PCDHGB4: variants seen among roughly 807,000 people sequenced by gnomAD.
PCDHGB4 encodes the protein protocadherin gamma subfamily B, 4.
Under a neutral mutation model 60.5 loss-of-function variants are expected in PCDHGB4, and 38 were observed. That is an observed-to-expected ratio of 0.63 (90% CI 0.48 to 0.82). PCDHGB4 has a LOEUF of 0.82. PCDHGB4 is among the 40% of genes least tolerant of loss of function. PCDHGB4 has a pLI of 0.00. For missense variants in PCDHGB4, 1,109 were observed against 1,209.6 expected (o/e 0.92, Z 1.23); for synonymous variants, 456 against 509.7 (o/e 0.89, Z 1.42).
intron 1 of PCDHGB4, among the ~76,000 whole-genome samples, chr5:141,453,288 ATTATTTATTTAT>A (rs577328880): frequency 6.6e-6 from 1 of 151,342 alleles, no homozygotes; most frequent in African/African-American, 2.4e-5. Context: ...TAATTTTTTA[ATTATTTATTTAT>A]TTATTTATTT....
intron 1 of PCDHGB4, among the ~76,000 whole-genome samples, chr5:141,430,213 A>G (rs892801149): frequency 6.6e-6 from 1 of 151,106 alleles, no homozygotes; most frequent in Non-Finnish European, 1.5e-5. Context: ...AAATTATTAT[A>G]TTATATGATT....
chr5:141,474,430 C>T (rs2099349577), intron 1 of PCDHGB4, among the ~76,000 whole-genome samples: 1 of 152,212 alleles, frequency 6.6e-6, no homozygotes, highest in African/African-American at 2.4e-5. Flanking sequence ...TTGGTCCTCA[C>T]ACTTTGAGTA....
chr5:141,478,387 C>T, intron 1 of PCDHGB4: 1 of 1,613,642 alleles, frequency 6.2e-7, no homozygotes, highest in Non-Finnish European at 8.5e-7. Context: ...CGCACCTTTA[C>T]CATCAGGTGT....
chr5:141,509,442 T>C (rs1473514859), intron 3 of PCDHGB4, among the ~76,000 whole-genome samples: 3 of 152,008 alleles, frequency 2.0e-5, no homozygotes, highest in Non-Finnish European at 2.9e-5. Flanking sequence ...TGTTTCCTCC[T>C]CTCCCACCCC....
At chr5:141,392,879 G>A in intron 1 of PCDHGB4, 2 of 1,613,512 alleles carry the variant, frequency 1.2e-6, no homozygotes, top group South Asian at 1.1e-5. Flanking sequence ...TGCTGGGAAC[G>A]CTGTGGGAAA....
chr5:141,438,386 T>C (rs757664430), intron 1 of PCDHGB4, among the ~76,000 whole-genome samples: 1 of 151,778 alleles, frequency 6.6e-6, no homozygotes, highest in Admixed American at 6.6e-5. Flanking sequence ...AATTTCTTAG[T>C]TCATCATTAA....
chr5:141,432,722 T>G lies in PCDHGB4; in HGVS notation c.2397+42441T>G, dbSNP rs2097531915. 6.2e-7 allele frequency: 1 copy of G among 1,613,646 alleles called. No homozygotes were observed. Among genetic ancestry groups the G allele is most frequent in the African/African-American group, 1.3e-5 (1 of 74,900 alleles). ...CCAGGACCACGGCCAGCCCCCTCTC[T>G]CCGCCACTGTCACGCTCACCGTGGC... On this transcript the variant is annotated intron_variant, in intron 1 of 3. Coordinates refer to ENST00000519479, the MANE Select transcript of PCDHGB4 (RefSeq NM_003736.4). The surrounding 1 kb of genome is among the most constrained non-coding windows in gnomAD (Gnocchi z 6.0).
In PCDHGB4 at chr5:141,431,482, G is replaced by C. The variant is rs781371030; in HGVS notation, c.2397+41201G>C. ...TGGATGCGAACGACAACGCACCAGCGTTTGCTCAGCCCGAGTACCGCGCGA... is the reference window on the plus strand; with the variant it reads ...TGGATGCGAACGACAACGCACCAGCCTTTGCTCAGCCCGAGTACCGCGCGA... On this transcript the variant is annotated intron_variant, in intron 1 of 3. Coordinates refer to ENST00000519479, the MANE Select transcript of PCDHGB4 (RefSeq NM_003736.4). The surrounding 1 kb of genome is among the most constrained non-coding windows in gnomAD (Gnocchi z 4.8). The C allele has an allele frequency of 6.8e-6, 11 of 1,613,800 alleles. No individual in the cohort carries two copies. The Admixed American group carries it at 1.3e-4, about 20-fold the overall frequency.
intron 1 of PCDHGB4, chr5:141,400,713 T>C: frequency 1.5e-6 from 1 of 686,914 alleles, no homozygotes; most frequent in South Asian, 2.0e-5. Context: ...GAAGTAGCCT[T>C]ATAGATTTAC....
Position 141,487,106 on chromosome 5 carries a change from A to G in PCDHGB4, c.2398-7701A>G, listed in dbSNP as rs777727830. ...TGACCTCCCACCACAGAAGCTGGTC[A>G]TTGTGGTAAAGGATAGTGGTAGTCC... On this transcript the variant is annotated intron_variant, in intron 1 of 3. Transcript: ENST00000519479. The surrounding 1 kb of genome is among the most constrained non-coding windows in gnomAD (Gnocchi z 5.0). 1 of 1,613,902 alleles carries G rather than the reference A, an allele frequency of 6.2e-7. No individual in the cohort carries two copies. The highest frequency in any genetic ancestry group is 1.3e-5 in the African/African-American group (1 of 75,028).
intron 1 of PCDHGB4, chr5:141,410,799 C>A: frequency 1.8e-6 from 1 of 560,610 alleles, no homozygotes; most frequent in Non-Finnish European, 2.6e-6. Flanking sequence ...ATAAGTTGCT[C>A]TATCTTTTTG....
At chr5:141,464,913 AT>A (rs1366203949) in intron 1 of PCDHGB4, among the ~76,000 whole-genome samples, 1 of 151,428 alleles carries the variant, frequency 6.6e-6, no homozygotes, top group Non-Finnish European at 1.5e-5. Context: ...TAATTTTTTT[AT>A]TTTTTTGTAG....
intron 2 of PCDHGB4, among the ~76,000 whole-genome samples, chr5:141,504,259 G>A (rs1325093588): frequency 6.6e-6 from 1 of 152,126 alleles, no homozygotes; most frequent in Non-Finnish European, 1.5e-5. Flanking sequence ...TTATGGTTTA[G>A]TATTTTTTTA....
rs1395688351 is a variant in PCDHGB4 at position 141,485,907 on chromosome 5, C to A, written c.2398-8900C>A. On this transcript the variant is annotated intron_variant, in intron 1 of 3. Coordinates refer to ENST00000519479, the MANE Select transcript of PCDHGB4 (RefSeq NM_003736.4). The surrounding 1 kb of genome is among the most constrained non-coding windows in gnomAD (Gnocchi z 5.7). ...GACAACGCCCCAGCCTTCCAGCAAT[C>A]CAGCTACAGGATTAGTGTGTTGGAG... is the stretch of plus-strand genomic sequence containing the variant. 6.2e-7 allele frequency: 1 copy of A among 1,614,176 alleles called. No homozygotes were observed.
chr5:141,393,905 A>G, intron 1 of PCDHGB4: 1 of 1,614,030 alleles, frequency 6.2e-7, no homozygotes, highest in Non-Finnish European at 8.5e-7. Flanking sequence ...TTCCCGGGAC[A>G]GTAATTGCCT....
chr5:141,399,010 G>A (rs1400790755), intron 1 of PCDHGB4: 5 of 1,613,726 alleles, frequency 3.1e-6, no homozygotes, highest in African/African-American at 1.3e-5. Flanking sequence ...TTCAAAGAGC[G>A]GAGAAATTAC....
intron 1 of PCDHGB4, among the ~76,000 whole-genome samples, chr5:141,472,178 A>G (rs1337942457): frequency 6.6e-6 from 1 of 152,210 alleles, no homozygotes; most frequent in African/African-American, 2.4e-5. Flanking sequence ...AATATCCAGT[A>G]TTGGAATTTG....
Position 141,432,110 on chromosome 5 carries a change from G to A in PCDHGB4, c.2397+41829G>A. On this transcript the variant is annotated intron_variant, in intron 1 of 3. Coordinates refer to ENST00000519479, the MANE Select transcript of PCDHGB4 (RefSeq NM_003736.4). This position sits in a 1 kb window ranked among gnomAD's most constrained non-coding sequence, Gnocchi z 6.0. ...GGCAGACACCAACGACAACCCGCCG[G>A]TCTTCCCTCAGGCCTCCTATTCCGC... 6.2e-7 allele frequency: 1 copy of A among 1,614,108 alleles called. No individual in the cohort carries two copies. Among genetic ancestry groups the A allele is most frequent in the Non-Finnish European group, 8.5e-7 (1 of 1,180,036 alleles).
At chr5:141,426,702 C>CA (rs1187798274) in intron 1 of PCDHGB4, 1 of 439,184 alleles carries the variant, frequency 2.3e-6, no homozygotes, top group Admixed American at 2.4e-5. Context: ...CATTGTTTTA[C>CA]AAATCAATGA....
Sources: gnomAD v4.1 joint callset for allele counts (sites outside exome capture counted in the v4.1 genomes callset) on GRCh38, gnomAD v4.1.1 for gene constraint, Gnocchi (gnomAD v3.1) non-coding constraint, MANE v1.5 for transcripts, NCBI Gene and HGNC (gene_info 2026-07-23, HGNC 2026-07-21) for gene names.